Variants in ALCAM observed in about 807,000 individuals in gnomAD.
ALCAM encodes CD166 antigen.
A neutral mutation model predicts 70.9 loss-of-function variants in ALCAM; 30 were observed. That is an observed-to-expected ratio of 0.42 (90% CI 0.32 to 0.57). The LOEUF is 0.57. ALCAM is among the 20% of genes least tolerant of loss of function. The pLI is 0.11. For missense variants in ALCAM, 591 were observed against 695.1 expected (o/e 0.85, Z 1.68); for synonymous variants, 249 against 242.5 (o/e 1.03, Z -0.25).
At chr3:105,473,098 A>G (rs1458231024) in intron 1 of ALCAM, among the ~76,000 whole-genome samples, 2 of 151,562 alleles carry the variant, frequency 1.3e-5, no homozygotes, top group African/African-American at 2.4e-5. Context: ...TAGTTTCTCA[A>G]AACTAATGAA....
intron 1 of ALCAM, among the ~76,000 whole-genome samples, chr3:105,481,430 G>A (rs1002075451): frequency 1.3e-5 from 2 of 152,096 alleles, no homozygotes; most frequent in African/African-American, 4.8e-5. Context: ...GGAATTGATG[G>A]CTTATTTTTT....
At chr3:105,542,969 C>G (rs1010808220) in intron 8 of ALCAM, among the ~76,000 whole-genome samples, 1 of 151,696 alleles carries the variant, frequency 6.6e-6, no homozygotes, top group Non-Finnish European at 1.5e-5. Context: ...TTATCCAGTC[C>G]TGTTCCATGA....
At chr3:105,541,427 A>G (rs113877143) in intron 7 of ALCAM, among the ~76,000 whole-genome samples, 1 of 152,012 alleles carries the variant, frequency 6.6e-6, no homozygotes, top group South Asian at 2.1e-4. Flanking sequence ...AAAATAAATC[A>G]GCTCTCAAAT....
intron 14 of ALCAM, among the ~76,000 whole-genome samples, chr3:105,569,913 C>T (rs984079213): frequency 6.6e-6 from 1 of 152,096 alleles, no homozygotes; most frequent in Non-Finnish European, 1.5e-5. Flanking sequence ...CTGAAAGAAC[C>T]ATGCCTTAGG....
intron 1 of ALCAM, among the ~76,000 whole-genome samples, chr3:105,456,494 G>GA (rs954722803): frequency 6.6e-6 from 1 of 152,034 alleles, no homozygotes; most frequent in Non-Finnish European, 1.5e-5. Flanking sequence ...TGTATTCCCA[G>GA]AAAAAAATTC....
At position 105,524,698 on chromosome 3, in the gene ALCAM, A is replaced by C. The variant is rs1939651680; in HGVS notation, c.394+190A>C. 3 of 1,332,278 alleles carry C rather than the reference A, an allele frequency of 2.3e-6. No homozygotes were observed. In the South Asian group the frequency reaches 7.0e-5, roughly 31 times the overall value. 82.5% of individuals were successfully genotyped at this position (1,332,278 alleles called of 1,614,324 possible). ...AAAACAAAGAGTATGAAATTCAAAT[A>C]GGAGATTTGCAGTGAGGAACTAAAA... On this transcript the variant is annotated intron_variant, in intron 3 of 15. Transcript: ENST00000306107.
chr3:105,503,919 G>C (rs1243092877), intron 1 of ALCAM, among the ~76,000 whole-genome samples: 1 of 152,070 alleles, frequency 6.6e-6, no homozygotes, highest in African/African-American at 2.4e-5. Context: ...TCCAGGCAAA[G>C]CCTTCTCCAG....
rs374929826 is a variant in ALCAM at position 105,476,946 on chromosome 3, G to A, written c.74-43121G>A. ...GGCTAGTCTTTACCATGCTATCCTC[G>A]TGATAGTTAATAAGTCTCACAAGAT... is the stretch of plus-strand genomic sequence containing the variant. On this transcript the variant is annotated intron_variant, in intron 1 of 15. Coordinates refer to ENST00000306107, the MANE Select transcript of ALCAM (RefSeq NM_001627.4). 4.1e-4 allele frequency among the ~76,000 whole-genome samples: 63 copies of A among 152,028 alleles called. 1 individual carries two copies. Among genetic ancestry groups the A allele is most frequent in the East Asian group, 1.4e-3 (7 of 5,150 alleles).
intron 15 of ALCAM, among the ~76,000 whole-genome samples, chr3:105,573,081 T>C (rs542072816): frequency 6.6e-6 from 1 of 152,300 alleles, no homozygotes; most frequent in South Asian, 2.1e-4. Context: ...TCCCAGCACT[T>C]TGGGAGGCTG....
At chr3:105,384,590 GC>G (rs2107341054) in intron 1 of ALCAM, among the ~76,000 whole-genome samples, 1 of 151,302 alleles carries the variant, frequency 6.6e-6, no homozygotes, top group Non-Finnish European at 1.5e-5. Flanking sequence ...CTGAATTCTT[GC>G]CCAGAAATTC....
intron 1 of ALCAM, among the ~76,000 whole-genome samples, chr3:105,445,835 G>T (rs1331397692): frequency 6.6e-6 from 1 of 152,144 alleles, no homozygotes; most frequent in Non-Finnish European, 1.5e-5. Context: ...ATTCAAAATT[G>T]ATTAAAGGCT....
chr3:105,373,477 T>G (rs1935293971), intron 1 of ALCAM, among the ~76,000 whole-genome samples: 1 of 152,180 alleles, frequency 6.6e-6, no homozygotes, highest in Non-Finnish European at 1.5e-5. Flanking sequence ...CCTCTCCATC[T>G]GTATAGTTTT....
intron 14 of ALCAM, among the ~76,000 whole-genome samples, chr3:105,553,437 G>A (rs1423717897): frequency 6.6e-6 from 1 of 151,818 alleles, no homozygotes; most frequent in African/African-American, 2.4e-5. Flanking sequence ...TCTTATAAAT[G>A]TGTAAATTAA....
chr3:105,457,305 G>A (rs920346947), intron 1 of ALCAM, among the ~76,000 whole-genome samples: 7 of 152,016 alleles, frequency 4.6e-5, no homozygotes, highest in African/African-American at 1.5e-4. Flanking sequence ...TGTCATTGAT[G>A]AGCATTTAAC....
At chr3:105,560,064 C>T (rs1453830740) in intron 14 of ALCAM, among the ~76,000 whole-genome samples, 3 of 152,074 alleles carry the variant, frequency 2.0e-5, no homozygotes, top group Admixed American at 2.0e-4. Flanking sequence ...TTTCTATTCT[C>T]TTGGGTAAAA....
At chr3:105,485,805 C>T (rs965530393) in intron 1 of ALCAM, among the ~76,000 whole-genome samples, 7 of 152,010 alleles carry the variant, frequency 4.6e-5, no homozygotes, top group Admixed American at 2.0e-4. Context: ...GTTAATTCAA[C>T]AGCTTGTAAG....
chr3:105,387,722 G>A (rs1206312642), intron 1 of ALCAM, among the ~76,000 whole-genome samples: 1 of 151,422 alleles, frequency 6.6e-6, no homozygotes, highest in African/African-American at 2.4e-5. Context: ...AGTGATCAGT[G>A]GCAGAGGGAT....
chr3:105,416,811 C>G (rs973424126), intron 1 of ALCAM, among the ~76,000 whole-genome samples: 6 of 151,958 alleles, frequency 3.9e-5, no homozygotes, highest in African/African-American at 1.4e-4. Context: ...AATTCATTTT[C>G]ATAATTCCTT....
chr3:105,412,666 A>G lies in ALCAM; in HGVS notation c.73+45185A>G, dbSNP rs183571769. On this transcript the variant is annotated intron_variant, in intron 1 of 15. Transcript: ENST00000306107. ...TGTTATGCTCTTCAGAAGAAAAACAACTTACATTGAGCCCCAGAAGTCAAC... is the reference window on the plus strand; with the variant it reads ...TGTTATGCTCTTCAGAAGAAAAACAGCTTACATTGAGCCCCAGAAGTCAAC... 3.2e-3 allele frequency among the ~76,000 whole-genome samples: 480 copies of G among 152,244 alleles called. 2 individuals carry two copies. The highest frequency in any genetic ancestry group is 2.8e-3 in the Non-Finnish European group (188 of 67,982).
Sources: allele counts gnomAD v4.1 joint callset (sites outside exome capture counted in the v4.1 genomes callset), GRCh38; gene constraint gnomAD v4.1.1; transcripts MANE v1.5; gene names NCBI Gene and HGNC (gene_info 2026-07-23, HGNC 2026-07-21).